Variants in PKIG observed in about 807,000 individuals in gnomAD.
PKIG encodes cAMP-dependent protein kinase inhibitor gamma, also known as protein kinase (cAMP-dependent, catalytic) inhibitor gamma.
PKIG carries 1 observed loss-of-function variant against 6.8 expected under a neutral mutation model. The observed-to-expected ratio is 0.15, with a 90% CI of 0.05 to 0.69. The LOEUF (loss-of-function observed/expected upper bound fraction) is 0.69. Ranked by LOEUF, PKIG falls within the 30% of genes least tolerant of loss-of-function variation. The probability of loss-of-function intolerance (pLI) is 0.82; values close to 1 mark genes in which losing one functional copy is unlikely to be tolerated. For missense variants in PKIG, 77 were observed against 104.0 expected, an observed-to-expected ratio of 0.74 and a Z score of 1.13; for synonymous variants, 39 against 43.0, an observed-to-expected ratio of 0.91 and a Z score of 0.36.
At chr20:44,608,041 G>A (rs997114694) in intron 2 of PKIG, among the ~76,000 whole-genome samples, 1 of 151,844 alleles carries the variant, frequency 6.6e-6, no homozygotes, top group Non-Finnish European at 1.5e-5. Context: ...AGGAGAAAAA[G>A]GGGGAACATA....
At chr20:44,605,789 G>A (rs564660605) in intron 2 of PKIG, among the ~76,000 whole-genome samples, 103 of 152,088 alleles carry the variant, frequency 6.8e-4, no homozygotes, top group African/African-American at 2.4e-3. Flanking sequence ...GCATGCACCT[G>A]TAGTCCCAGC....
intron 1 of PKIG, among the ~76,000 whole-genome samples, chr20:44,574,199 T>G (rs2064876482): frequency 6.6e-6 from 1 of 152,196 alleles, no homozygotes; most frequent in African/African-American, 2.4e-5. Context: ...ATAAAAGATT[T>G]GTAATAAAAA....
At chr20:44,558,715 C>T (rs1428877849) in intron 1 of PKIG, among the ~76,000 whole-genome samples, 1 of 147,508 alleles carries the variant, frequency 6.8e-6, no homozygotes, top group Admixed American at 6.9e-5. Context: ...TTTCTTTCTT[C>T]CCTTCTTTCC....
chr20:44,540,202 C>G (rs2064548716), intron 1 of PKIG, among the ~76,000 whole-genome samples: 1 of 152,092 alleles, frequency 6.6e-6, no homozygotes, highest in Admixed American at 6.6e-5. Context: ...CTCCAGTGAT[C>G]AACCTGCCTC....
At chr20:44,577,181 C>T (rs1041538481) in intron 1 of PKIG, among the ~76,000 whole-genome samples, 2 of 152,066 alleles carry the variant, frequency 1.3e-5, no homozygotes, top group African/African-American at 4.8e-5. Context: ...ATGATCTCAT[C>T]TCACTGCAAC....
chr20:44,560,177 G>A (rs974368002), intron 1 of PKIG, among the ~76,000 whole-genome samples: 2 of 152,164 alleles, frequency 1.3e-5, no homozygotes, highest in Non-Finnish European at 2.9e-5. Flanking sequence ...TTGAGCTGGG[G>A]AGGCGGAGGT....
chr20:44,612,468 C>T (rs927476381), intron 2 of PKIG, among the ~76,000 whole-genome samples: 1 of 152,162 alleles, frequency 6.6e-6, no homozygotes, highest in Non-Finnish European at 1.5e-5. Context: ...CTTACTAATT[C>T]AGGTCTGCGA....
intron 1 of PKIG, among the ~76,000 whole-genome samples, chr20:44,548,831 C>G (rs2064640000): frequency 1.3e-5 from 2 of 148,650 alleles, no homozygotes. Flanking sequence ...TTATGTAGGA[C>G]ATTCATCCAG....
chr20:44,541,988 C>T (rs569199913), intron 1 of PKIG, among the ~76,000 whole-genome samples: 1 of 152,044 alleles, frequency 6.6e-6, no homozygotes, highest in Non-Finnish European at 1.5e-5. Context: ...CACTCCCGGC[C>T]AAGTATAGCT....
At chr20:44,584,568 T>A (rs1204239750) in intron 1 of PKIG, among the ~76,000 whole-genome samples, 2 of 150,276 alleles carry the variant, frequency 1.3e-5, no homozygotes, top group Non-Finnish European at 3.0e-5. Context: ...CAAATTAAGG[T>A]TTTTGCTTTG....
chr20:44,565,220 C>A (rs1228071724), intron 1 of PKIG, among the ~76,000 whole-genome samples: 2 of 152,136 alleles, frequency 1.3e-5, no homozygotes, highest in African/African-American at 4.8e-5. Context: ...TTTGTCAGGC[C>A]TTCTGCTAGT....
intron 1 of PKIG, among the ~76,000 whole-genome samples, chr20:44,562,970 A>G (rs761959428): frequency 2.6e-5 from 4 of 152,116 alleles, no homozygotes; most frequent in African/African-American, 4.8e-5. Flanking sequence ...GAATCGCTTG[A>G]ACCCAGGAGG....
intron 1 of PKIG, among the ~76,000 whole-genome samples, chr20:44,565,769 ATTAT>A (rs1287564116): frequency 6.6e-6 from 1 of 151,980 alleles, no homozygotes; most frequent in African/African-American, 2.4e-5. Flanking sequence ...TGATTATTTT[ATTAT>A]TTATTTAGAG....
chr20:44,584,663 CTATT>C (rs1371092420), intron 1 of PKIG, among the ~76,000 whole-genome samples: 1 of 150,552 alleles, frequency 6.6e-6, no homozygotes, highest in Non-Finnish European at 1.5e-5. Flanking sequence ...TATTTAGAAA[CTATT>C]TGTTTGAATT....
At chr20:44,582,444 G>C (rs190256150), upstream of PKIG, 1 of 152,368 alleles carries the variant, frequency 6.6e-6, no homozygotes, top group African/African-American at 2.4e-5. Flanking sequence ...GATCTCTCCT[G>C]TGGACAGAGA....
rs1417559797 is a variant in PKIG at position 44,614,398 on chromosome 20, G to A, written c.-23-136G>A. 3.2e-6 allele frequency: 2 copies of A among 632,530 alleles called. No individual in the cohort carries two copies. The highest frequency in any genetic ancestry group is 2.8e-5 in the Admixed American group (1 of 35,642). 39.2% of individuals were successfully genotyped at this position (632,530 alleles called of 1,614,324 possible). A position where few individuals can be genotyped will look rare whatever the true frequency, so the allele number is the denominator to read the frequency against. ...CTTGTTTTGTTCTTTGTACTTTTCT[G>A]TGCTTTTTGCTTTGTTTTCAATAAG... On this transcript the variant is annotated intron_variant, in intron 2 of 3. Coordinates refer to ENST00000372886, the MANE Select transcript of PKIG (RefSeq NM_001281445.2). This position sits in a 1 kb window ranked among gnomAD's most constrained non-coding sequence, Gnocchi z 4.6.
chr20:44,586,872 A>G (rs2064994082), intron 1 of PKIG, among the ~76,000 whole-genome samples: 1 of 152,204 alleles, frequency 6.6e-6, no homozygotes, highest in Non-Finnish European at 1.5e-5. Flanking sequence ...AGAACACATA[A>G]TGTATCCGCT....
At chr20:44,562,807 C>T (rs539251741) in intron 1 of PKIG, among the ~76,000 whole-genome samples, 1 of 151,986 alleles carries the variant, frequency 6.6e-6, no homozygotes, top group East Asian at 1.9e-4. Flanking sequence ...GCCTGTAATC[C>T]CACCACTTTG....
At chr20:44,573,990 C>T (rs925313436) in intron 1 of PKIG, among the ~76,000 whole-genome samples, 4 of 152,190 alleles carry the variant, frequency 2.6e-5, no homozygotes, top group African/African-American at 4.8e-5. Flanking sequence ...TAAAAAGTCT[C>T]TGAGTCTAGA....
Sources: gnomAD v4.1 joint callset for allele counts (sites outside exome capture counted in the v4.1 genomes callset) on GRCh38, gnomAD v4.1.1 for gene constraint, Gnocchi (gnomAD v3.1) non-coding constraint, MANE v1.5 for transcripts, NCBI Gene and HGNC (gene_info 2026-07-23, HGNC 2026-07-21) for gene names.